The following NALCN variants were observed in gnomAD, a reference collection of about 807,000 sequenced individuals.
NALCN encodes the protein sodium leak channel, non-selective.
In NALCN, 111 loss-of-function variants were observed where a neutral mutation model predicts 225.3. That is an observed-to-expected ratio of 0.49 (90% CI 0.42 to 0.58). NALCN has a LOEUF of 0.58. Among genes scored for constraint, NALCN ranks in the 20% least tolerant of loss-of-function variants. NALCN has a pLI of 0.00. For missense variants in NALCN, 1,378 were observed against 2,202.4 expected (o/e 0.63, Z 7.49); for synonymous variants, 764 against 769.0 (o/e 0.99, Z 0.11).
chr13:101,056,231 G>C (rs1023334818), intron 43 of NALCN, among the ~76,000 whole-genome samples: 1 of 147,094 alleles, frequency 6.8e-6, no homozygotes. Flanking sequence ...ACCTAGGCAT[G>C]GACCAGTGGA....
intron 13 of NALCN, among the ~76,000 whole-genome samples, chr13:101,203,982 G>T (rs1271256820): frequency 6.6e-6 from 1 of 152,202 alleles, no homozygotes; most frequent in Non-Finnish European, 1.5e-5. Context: ...GGTAAATTAA[G>T]TGCTTTGCTC....
intron 15 of NALCN, among the ~76,000 whole-genome samples, chr13:101,173,960 C>T (rs951112053): frequency 2.0e-5 from 3 of 151,940 alleles, no homozygotes; most frequent in Non-Finnish European, 4.4e-5. Flanking sequence ...TAAAAATATG[C>T]AAATGAGCCC....
chr13:101,358,078 C>G (rs1283392939), intron 6 of NALCN, among the ~76,000 whole-genome samples: 1 of 151,960 alleles, frequency 6.6e-6, no homozygotes, highest in Non-Finnish European at 1.5e-5. Flanking sequence ...CCATAAAAAC[C>G]CTAGAAGAAA....
chr13:101,060,568 G>A (rs2031826785), intron 41 of NALCN, among the ~76,000 whole-genome samples: 1 of 150,698 alleles, frequency 6.6e-6, no homozygotes, highest in South Asian at 2.1e-4. Flanking sequence ...TGGGATTACA[G>A]GCATGAGACA....
intron 12 of NALCN, among the ~76,000 whole-genome samples, chr13:101,233,704 G>C (rs2041442630): frequency 1.3e-5 from 2 of 152,100 alleles, no homozygotes; most frequent in African/African-American, 4.8e-5. Context: ...CAGATTTCTT[G>C]AGACCTCAAT....
At chr13:101,313,342 T>G (rs1299978991) in intron 7 of NALCN, among the ~76,000 whole-genome samples, 1 of 152,132 alleles carries the variant, frequency 6.6e-6, no homozygotes, top group Admixed American at 6.5e-5. Context: ...GGGATTTAAT[T>G]AAACTAAAGA....
intron 13 of NALCN, among the ~76,000 whole-genome samples, chr13:101,201,144 C>A (rs1034728046): frequency 1.7e-4 from 26 of 152,146 alleles, no homozygotes; most frequent in African/African-American, 5.8e-4. Flanking sequence ...TGGAAGGGGT[C>A]TATACTATTT....
intron 7 of NALCN, among the ~76,000 whole-genome samples, chr13:101,296,259 C>G (rs1408706457): frequency 6.6e-6 from 1 of 152,132 alleles, no homozygotes; most frequent in Non-Finnish European, 1.5e-5. Context: ...GAGGAGCACT[C>G]AAAGATTGTT....
intron 20 of NALCN, 79 bp downstream of exon 20, chr13:101,110,540 C>T: frequency 6.9e-7 from 1 of 1,444,214 alleles, no homozygotes; most frequent in Non-Finnish European, 9.7e-7. Flanking sequence ...CAGAAAGACA[C>T]TGGGCATTGT....
chr13:101,098,772 T>C (rs75224707), intron 27 of NALCN, among the ~76,000 whole-genome samples: 13,121 of 152,052 alleles, frequency 0.086, 1,088 homozygotes, highest in African/African-American at 0.22. Context: ...ACTCATGGCG[T>C]TTTTGGCCTC....
chr13:101,130,298 T>A (rs1267703157), intron 17 of NALCN, among the ~76,000 whole-genome samples: 1 of 152,178 alleles, frequency 6.6e-6, no homozygotes, highest in Non-Finnish European at 1.5e-5. Context: ...AACTACTGAA[T>A]ATCTTAAGGG....
chr13:101,270,871 G>A (rs555931050), intron 10 of NALCN, among the ~76,000 whole-genome samples: 2 of 152,192 alleles, frequency 1.3e-5, no homozygotes, highest in South Asian at 4.1e-4. Flanking sequence ...CAAACCAAAC[G>A]AACAAACAGA....
chr13:101,217,661 A>G (rs1359913139), intron 13 of NALCN, among the ~76,000 whole-genome samples: 3 of 152,150 alleles, frequency 2.0e-5, no homozygotes, highest in African/African-American at 7.2e-5. Flanking sequence ...ACATGCTCTC[A>G]ACCTCAAGGT....
In NALCN at chr13:101,377,074, G is replaced by C; in HGVS notation, c.376-18C>G. 4.3e-6 allele frequency: 7 copies of C among 1,613,846 alleles called. No individual in the cohort carries two copies. The highest frequency in any genetic ancestry group is 5.9e-6 in the Non-Finnish European group (7 of 1,179,888). On this transcript the variant is annotated intron_variant, in intron 4 of 43. Transcript: ENST00000251127. Reference sequence around the variant, plus strand: ...TCAAACACCTACAAATTAAAAGATGGGTAAATGAGGTTGGATTTTCCCTTA... The same window carrying C: ...TCAAACACCTACAAATTAAAAGATGCGTAAATGAGGTTGGATTTTCCCTTA...
chr13:101,155,143 T>A (rs2037843229), intron 15 of NALCN, among the ~76,000 whole-genome samples: 2 of 152,208 alleles, frequency 1.3e-5, no homozygotes, highest in Admixed American at 1.3e-4. Flanking sequence ...AAAACTCACA[T>A]GAGAGTTGCA....
intron 18 of NALCN, among the ~76,000 whole-genome samples, chr13:101,118,874 C>T (rs1312907058): frequency 6.6e-6 from 1 of 152,118 alleles, no homozygotes; most frequent in Non-Finnish European, 1.5e-5. Context: ...GAGCTGAGCT[C>T]AAAGGTCCAG....
chr13:101,259,538 G>A (rs1042647006), intron 10 of NALCN, among the ~76,000 whole-genome samples: 14 of 151,264 alleles, frequency 9.3e-5, no homozygotes, highest in African/African-American at 3.1e-4. Context: ...GTTTCACCAC[G>A]TTAGCCAGGA....
intron 13 of NALCN, among the ~76,000 whole-genome samples, chr13:101,216,873 T>C (rs985722033): frequency 2.0e-5 from 3 of 152,130 alleles, no homozygotes; most frequent in Non-Finnish European, 1.5e-5. Context: ...GAAAACTCAA[T>C]AGAGCAAGTA....
intron 7 of NALCN, 79 bp downstream of exon 7, chr13:101,345,187 T>C: frequency 7.2e-7 from 1 of 1,385,308 alleles, no homozygotes; most frequent in Non-Finnish European, 9.9e-7. Flanking sequence ...AATATTAGTA[T>C]CAATTATTTA....
Sources: gnomAD v4.1 joint callset for allele counts (sites outside exome capture counted in the v4.1 genomes callset) on GRCh38, gnomAD v4.1.1 for gene constraint, MANE v1.5 for transcripts, NCBI Gene and HGNC (gene_info 2026-07-23, HGNC 2026-07-21) for gene names.